The following SMIM8 variants were observed in gnomAD, a reference collection of about 807,000 sequenced individuals.
The protein encoded by SMIM8 is small integral membrane protein 8, also known as UPF0708 protein C6orf162.
SMIM8 carries 8 observed loss-of-function variants against 8.1 expected under a neutral mutation model. That is an observed-to-expected ratio of 0.99 (90% CI 0.58 to 1.78). The LOEUF is 1.78. Ranked by LOEUF, SMIM8 falls within the 40% of genes most tolerant of loss-of-function variation. SMIM8 has a pLI of 0.00. For synonymous variants in SMIM8, 45 were observed against 39.7 expected, an observed-to-expected ratio of 1.13 and a Z score of -0.50; for missense variants, 126 against 119.8, an observed-to-expected ratio of 1.05 and a Z score of -0.24.
chr6:87,327,180 T>C (rs923397689), intron 1 of SMIM8, among the ~76,000 whole-genome samples: 74 of 150,078 alleles, frequency 4.9e-4, no homozygotes, highest in Middle Eastern at 3.4e-3. Context: ...TGAGATGGGT[T>C]TCCTGAATAC....
intron 1 of SMIM8, among the ~76,000 whole-genome samples, chr6:87,324,763 G>C (rs1461056267): frequency 6.6e-6 from 1 of 151,990 alleles, no homozygotes; most frequent in African/African-American, 2.4e-5. Flanking sequence ...GCTCTTTTTT[G>C]GTTCCATATG....
In SMIM8 at chr6:87,326,233, AT is replaced by A. The variant is rs1458533280; in HGVS notation, c.-45+3607del. On this transcript the variant is annotated intron_variant, in intron 1 of 3. Coordinates refer to ENST00000392863, the MANE Select transcript of SMIM8 (RefSeq NM_001042493.3). ...AAAAAACCAGCTCCTGGATTCATTA[AT>A]TTTTTGAAGGGTTTTTAATGTCTCT... Among the ~76,000 whole-genome samples the A allele has an allele frequency of 1.6e-3, 245 of 152,224 alleles. 4 individuals are homozygous for A. Among genetic ancestry groups the A allele is most frequent in the Non-Finnish European group, 3.4e-4 (23 of 68,012 alleles).
chr6:87,323,149 T>C (rs140304693), intron 1 of SMIM8: 72 of 152,350 alleles, frequency 4.7e-4, no homozygotes, highest in African/African-American at 1.7e-3. Flanking sequence ...GTCCATGACA[T>C]TGGGGGAAGC....
At chr6:87,338,906 CT>C (rs58307492) in intron 3 of SMIM8, among the ~76,000 whole-genome samples, 1,618 of 116,072 alleles carry the variant, frequency 0.014, 12 homozygotes, top group African/African-American at 0.042. Flanking sequence ...TATTTAAAAG[CT>C]TTTTTTTTTT....
At chr6:87,339,438 GT>G (rs1777176955) in intron 3 of SMIM8, among the ~76,000 whole-genome samples, 1 of 29,670 alleles carries the variant, frequency 3.4e-5, no homozygotes. Context: ...GTGTGTGTTT[GT>G]GTGTGTGTGT....
At chr6:87,339,514 G>C (rs539753033) in intron 3 of SMIM8, among the ~76,000 whole-genome samples, 2 of 152,144 alleles carry the variant, frequency 1.3e-5, no homozygotes, top group East Asian at 3.9e-4. Flanking sequence ...TTGTCCAAGA[G>C]TAAATCAAGG....
In SMIM8 at chr6:87,340,211, CTA is replaced by C. The variant is rs752989055; in HGVS notation, c.233_234del (p.Tyr78Ter). On this transcript the variant is annotated frameshift_variant, in exon 4 of 4. Coordinates refer to ENST00000392863, the MANE Select transcript of SMIM8 (RefSeq NM_001042493.3). LOFTEE classifies it high-confidence loss of function. Reference protein sequence around the residue: ...HAIQENKKDLYEAIDSEGHSY... With the variant: ...HAIQENKKDLXEAIDSEGHSY... ...CAATACAAGAGAATAAAAAGGACCTCTATGAAGCTATTGATAGTGAGGGGCAC... is the reference window on the plus strand; with the variant it reads ...CAATACAAGAGAATAAAAAGGACCTCTGAAGCTATTGATAGTGAGGGGCAC... 7.4e-5 allele frequency: 119 copies of C among 1,611,500 alleles called. 1 individual carries two copies. Among genetic ancestry groups the C allele is most frequent in the Non-Finnish European group, 4.9e-5 (58 of 1,179,228 alleles).
intron 2 of SMIM8, among the ~76,000 whole-genome samples, chr6:87,331,695 T>A (rs1411836612): frequency 2.0e-5 from 3 of 152,190 alleles, no homozygotes; most frequent in African/African-American, 7.2e-5. Flanking sequence ...GAATTTTTTT[T>A]AACAAAGTAT....
intron 3 of SMIM8, among the ~76,000 whole-genome samples, chr6:87,338,405 A>G (rs1777156532): frequency 6.6e-6 from 1 of 152,182 alleles, no homozygotes; most frequent in African/African-American, 2.4e-5. Context: ...AAAAAGATGA[A>G]TCAGGAGAGG....
intron 2 of SMIM8, among the ~76,000 whole-genome samples, chr6:87,334,314 G>A (rs1777056786): frequency 6.6e-6 from 1 of 152,210 alleles, no homozygotes; most frequent in Non-Finnish European, 1.5e-5. Context: ...GCATATTCTG[G>A]AATTGTTTCA....
chr6:87,327,531 T>C (rs1776858494), intron 1 of SMIM8, among the ~76,000 whole-genome samples: 1 of 150,084 alleles, frequency 6.7e-6, no homozygotes, highest in East Asian at 1.9e-4. Flanking sequence ...TTTGGCTGGA[T>C]ATGAAATTCT....
In SMIM8 at chr6:87,336,995, T is replaced by C; in HGVS notation, c.-23-14T>C. On this transcript the variant is annotated splice_polypyrimidine_tract_variant and intron_variant, in intron 2 of 3. Coordinates refer to ENST00000392863, the MANE Select transcript of SMIM8 (RefSeq NM_001042493.3). ...ACAATTATGAAGGGAAAAAATATAT[T>C]ATTTTGTTTTTAGATAATAAATCAT... 6.5e-7 allele frequency: 1 copy of C among 1,540,488 alleles called. No homozygotes were observed. Among genetic ancestry groups the C allele is most frequent in the Non-Finnish European group, 8.7e-7 (1 of 1,146,032 alleles).
chr6:87,338,906 C>CTTT (rs58307492), intron 3 of SMIM8, among the ~76,000 whole-genome samples: 12,582 of 115,652 alleles, frequency 0.11, 734 homozygotes, highest in East Asian at 0.13. Flanking sequence ...TATTTAAAAG[C>CTTT]TTTTTTTTTT....
chr6:87,336,441 C>G (rs924809439), intron 2 of SMIM8, among the ~76,000 whole-genome samples: 5 of 152,112 alleles, frequency 3.3e-5, no homozygotes, highest in African/African-American at 1.2e-4. Context: ...TGCTGATTGG[C>G]AATGGAAGAG....
At chr6:87,325,983 G>C (rs559546381) in intron 1 of SMIM8, among the ~76,000 whole-genome samples, 2 of 152,264 alleles carry the variant, frequency 1.3e-5, no homozygotes, top group African/African-American at 4.8e-5. Context: ...CTTCTTCCTA[G>C]TTTAGTCTTG....
rs138420601 is a variant in SMIM8 at position 87,337,222 on chromosome 6, A to G, written c.135+56A>G. ...GTTTAATCCAACCAGACTGTCAGAA[A>G]GTTCTAATTTTCTTGTATTTGATTT... On this transcript the variant is annotated intron_variant, in intron 3 of 3. Transcript: ENST00000392863. 961 of 1,489,486 alleles carry G rather than the reference A, an allele frequency of 6.5e-4. 8 individuals are homozygous for G. The African/African-American group carries it at 0.011, about 17-fold the overall frequency. 92.3% of individuals were successfully genotyped at this position (1,489,486 alleles called of 1,614,324 possible).
In SMIM8 at chr6:87,340,279, G is replaced by T; in HGVS notation, c.*5G>T. On this transcript the variant is annotated 3_prime_UTR_variant, in exon 4 of 4. Coordinates refer to ENST00000392863, the MANE Select transcript of SMIM8 (RefSeq NM_001042493.3). Reference sequence around the variant, plus strand: ...AAAACATCCAAATGGGATTAGTAGTGCTGGTTAGTGCAGATGGACCTTTAT... The same window carrying T: ...AAAACATCCAAATGGGATTAGTAGTTCTGGTTAGTGCAGATGGACCTTTAT... The T allele has an allele frequency of 6.3e-7, 1 of 1,578,784 alleles. No individual in the cohort carries two copies. Among genetic ancestry groups the T allele is most frequent in the Non-Finnish European group, 8.6e-7 (1 of 1,167,550 alleles).
chr6:87,329,588 G>A (rs1776942735), intron 1 of SMIM8, among the ~76,000 whole-genome samples: 1 of 152,182 alleles, frequency 6.6e-6, no homozygotes, highest in Non-Finnish European at 1.5e-5. Flanking sequence ...ACCCTGCCCG[G>A]CAGGAAAGAT....
At chr6:87,330,345 C>G (rs1776965331) in intron 1 of SMIM8, among the ~76,000 whole-genome samples, 1 of 152,086 alleles carries the variant, frequency 6.6e-6, no homozygotes, top group Non-Finnish European at 1.5e-5. Flanking sequence ...TATTGAGGTG[C>G]TTATTTCTAA....
Sources: allele counts gnomAD v4.1 joint callset (sites outside exome capture counted in the v4.1 genomes callset), GRCh38; gene constraint gnomAD v4.1.1; transcripts MANE v1.5; gene names NCBI Gene and HGNC (gene_info 2026-07-23, HGNC 2026-07-21).